Variants in CNTNAP2 observed in about 807,000 individuals in gnomAD.
CNTNAP2 encodes contactin-associated protein-like 2.
CNTNAP2 carries 98 observed loss-of-function variants against 155.2 expected under a neutral mutation model. That is an observed-to-expected ratio of 0.63 (90% CI 0.54 to 0.75). The LOEUF is 0.75. Among genes scored for constraint, CNTNAP2 ranks in the 30% least tolerant of loss-of-function variants. CNTNAP2 has a pLI of 0.00. For missense variants in CNTNAP2, 1,727 were observed against 1,688.1 expected (o/e 1.02, Z -0.40); for synonymous variants, 651 against 631.2 (o/e 1.03, Z -0.47).
At chr7:147,615,367 G>C (rs1801267042) in intron 12 of CNTNAP2, among the ~76,000 whole-genome samples, 1 of 139,936 alleles carries the variant, frequency 7.1e-6, no homozygotes, top group African/African-American at 2.6e-5. Flanking sequence ...TGTAATCCCA[G>C]CACGTTGGGT....
At chr7:146,911,703 G>C (rs1487305283) in intron 3 of CNTNAP2, among the ~76,000 whole-genome samples, 1 of 151,484 alleles carries the variant, frequency 6.6e-6, no homozygotes, top group African/African-American at 2.4e-5. Context: ...TATACCTAAG[G>C]CTAGATGACA....
At chr7:146,219,089 G>A (rs908740865) in intron 1 of CNTNAP2, among the ~76,000 whole-genome samples, 20 of 152,160 alleles carry the variant, frequency 1.3e-4, no homozygotes, top group African/African-American at 4.3e-4. Flanking sequence ...TCTTCGCAGG[G>A]TGACAGGAAA....
intron 1 of CNTNAP2, among the ~76,000 whole-genome samples, chr7:146,364,365 G>A (rs1795126171): frequency 6.6e-6 from 1 of 152,122 alleles, no homozygotes; most frequent in Admixed American, 6.5e-5. Flanking sequence ...CAGAGTATAT[G>A]CAACTCACTG....
At chr7:148,202,277 T>A (rs953195146) in intron 18 of CNTNAP2, among the ~76,000 whole-genome samples, 2 of 152,178 alleles carry the variant, frequency 1.3e-5, no homozygotes, top group Non-Finnish European at 2.9e-5. Context: ...ACAGATGCTT[T>A]CTGGAAAACC....
At chr7:147,566,204 G>A (rs1202066163) in intron 12 of CNTNAP2, among the ~76,000 whole-genome samples, 2 of 150,702 alleles carry the variant, frequency 1.3e-5, no homozygotes, top group African/African-American at 4.9e-5. Flanking sequence ...GCTGAGGTGG[G>A]AGGATCACTT....
chr7:147,041,150 T>A (rs990806300), intron 3 of CNTNAP2, among the ~76,000 whole-genome samples: 2 of 152,178 alleles, frequency 1.3e-5, no homozygotes, highest in Non-Finnish European at 2.9e-5. Flanking sequence ...ATACATGCTA[T>A]ATTATTTTGT....
intron 1 of CNTNAP2, among the ~76,000 whole-genome samples, chr7:146,529,059 G>T (rs62484464): frequency 0.2 from 30,786 of 151,668 alleles, 3,781 homozygotes; most frequent in East Asian, 0.44. Flanking sequence ...TGTAAAGAAA[G>T]ATAATGCTAA....
chr7:146,216,428 C>T (rs1799114188), intron 1 of CNTNAP2, among the ~76,000 whole-genome samples: 1 of 152,136 alleles, frequency 6.6e-6, no homozygotes, highest in Non-Finnish European at 1.5e-5. Context: ...TGATGGAACC[C>T]TTGTTGGTGC....
chr7:147,922,138 C>T (rs182167047), intron 14 of CNTNAP2, among the ~76,000 whole-genome samples: 1 of 152,264 alleles, frequency 6.6e-6, no homozygotes, highest in East Asian at 1.9e-4. Flanking sequence ...TTTAAATACG[C>T]ATGTCGATGC....
At chr7:148,198,759 C>T (rs1795320118) in intron 18 of CNTNAP2, among the ~76,000 whole-genome samples, 1 of 152,210 alleles carries the variant, frequency 6.6e-6, no homozygotes, top group Non-Finnish European at 1.5e-5. Flanking sequence ...AAAACATGAC[C>T]TTGAATTCAT....
intron 2 of CNTNAP2, among the ~76,000 whole-genome samples, chr7:146,789,843 T>C (rs1165945644): frequency 4.0e-5 from 6 of 150,226 alleles, no homozygotes; most frequent in Admixed American, 3.3e-4. Context: ...TGAAAGAAAA[T>C]GAATAACAGG....
intron 12 of CNTNAP2, among the ~76,000 whole-genome samples, chr7:147,617,493 A>T (rs1801315115): frequency 6.6e-6 from 1 of 152,134 alleles, no homozygotes; most frequent in African/African-American, 2.4e-5. Flanking sequence ...TAGGCTATAC[A>T]TTGTTGCCAT....
intron 1 of CNTNAP2, among the ~76,000 whole-genome samples, chr7:146,717,196 G>T (rs890168665): frequency 6.6e-6 from 1 of 152,112 alleles, no homozygotes; most frequent in African/African-American, 2.4e-5. Context: ...AAAAGATGCA[G>T]AGAGCTGTTT....
chr7:147,943,047 A>C (rs1327348697), intron 14 of CNTNAP2, among the ~76,000 whole-genome samples: 2 of 151,984 alleles, frequency 1.3e-5, no homozygotes, highest in Non-Finnish European at 2.9e-5. Flanking sequence ...AAAAAAAAAA[A>C]AATCCCCGCT....
At chr7:147,691,152 T>C (rs1796081381) in intron 13 of CNTNAP2, among the ~76,000 whole-genome samples, 1 of 152,182 alleles carries the variant, frequency 6.6e-6, no homozygotes, top group Non-Finnish European at 1.5e-5. Context: ...ATTTGATTAA[T>C]TAATTCAATT....
intron 8 of CNTNAP2, among the ~76,000 whole-genome samples, chr7:147,295,655 A>G (rs1365427263): frequency 6.6e-6 from 1 of 152,184 alleles, no homozygotes; most frequent in African/African-American, 2.4e-5. Context: ...TCAGGATACT[A>G]TTTCTTACAA....
At chr7:147,109,002 T>C (rs1294511665) in intron 5 of CNTNAP2, among the ~76,000 whole-genome samples, 1 of 152,174 alleles carries the variant, frequency 6.6e-6, no homozygotes, top group Non-Finnish European at 1.5e-5. Context: ...GAGGTGGAAA[T>C]TGCCCAAATC....
At chr7:146,990,219 A>G (rs538077615) in intron 3 of CNTNAP2, among the ~76,000 whole-genome samples, 1 of 152,304 alleles carries the variant, frequency 6.6e-6, no homozygotes, top group East Asian at 1.9e-4. Context: ...CTTTGGCATT[A>G]TCCATGCTGA....
At chr7:148,224,855 G>A (rs1338294749) in intron 19 of CNTNAP2, among the ~76,000 whole-genome samples, 2 of 152,106 alleles carry the variant, frequency 1.3e-5, no homozygotes, top group Admixed American at 6.5e-5. Context: ...AGCAAAGGAG[G>A]GAAAGGCCCC....
Sources: allele counts gnomAD v4.1 joint callset (sites outside exome capture counted in the v4.1 genomes callset), GRCh38; gene constraint gnomAD v4.1.1; transcripts MANE v1.5; gene names NCBI Gene and HGNC (gene_info 2026-07-23, HGNC 2026-07-21).